SLCO4C1: variants seen among roughly 807,000 people sequenced by gnomAD.
The protein encoded by SLCO4C1 is organic anion transporter M1.
A neutral mutation model predicts 72.1 loss-of-function variants in SLCO4C1; 58 were observed. That is an observed-to-expected ratio of 0.80 (90% CI 0.65 to 1.00). The LOEUF (loss-of-function observed/expected upper bound fraction) is 1.00. Ranked by LOEUF, SLCO4C1 falls within the 50% of genes least tolerant of loss-of-function variation. The pLI, the probability that SLCO4C1 is intolerant of heterozygous loss-of-function variation, is 0.00. For synonymous variants in SLCO4C1, 297 were observed against 312.5 expected, an observed-to-expected ratio of 0.95 and a Z score of 0.52; for missense variants, 898 against 857.9, an observed-to-expected ratio of 1.05 and a Z score of -0.58.
chr5:102,285,127 C>G (rs189555923), intron 2 of SLCO4C1, among the ~76,000 whole-genome samples: 8 of 151,582 alleles, frequency 5.3e-5, no homozygotes, highest in Admixed American at 5.3e-4. Context: ...TGATTGAGTC[C>G]TACTCCAAAC....
At chr5:102,271,666 T>C (rs2112377120) in intron 2 of SLCO4C1, among the ~76,000 whole-genome samples, 1 of 152,184 alleles carries the variant, frequency 6.6e-6, no homozygotes, top group South Asian at 2.1e-4. Context: ...TTAAGCATTT[T>C]TCCATACATT....
In SLCO4C1 at chr5:102,270,703, T is replaced by G. The variant is rs753937055; in HGVS notation, c.723A>C (p.Ala241=). 6.2e-7 allele frequency: 1 copy of G among 1,613,210 alleles called. No homozygotes were observed. The highest frequency in any genetic ancestry group is 8.5e-7 in the Non-Finnish European group (1 of 1,179,570). The change falls in exon 3 of 13, where the codon GCA becomes GCC. Residue 241 remains alanine, a synonymous_variant. Transcript: ENST00000310954. ...VFILGQLLLG[A]GGTPLYTLGT... is the part of the protein sequence containing the mutation. Reference sequence around the variant, plus strand: ...CCAGAGTATAAAGAGGAGTTCCTCCTGCCCCCAGCAATAGTTGTCCCAAGA... The same window carrying G: ...CCAGAGTATAAAGAGGAGTTCCTCCGGCCCCCAGCAATAGTTGTCCCAAGA...
intron 10 of SLCO4C1, among the ~76,000 whole-genome samples, chr5:102,243,172 GCTTAGC>G (rs1307757916): frequency 6.6e-6 from 1 of 152,152 alleles, no homozygotes; most frequent in Non-Finnish European, 1.5e-5. Context: ...TTCCATGCCA[GCTTAGC>G]CGCAATACAA....
chr5:102,264,143 G>T (rs753766380), intron 3 of SLCO4C1, among the ~76,000 whole-genome samples: 6 of 152,040 alleles, frequency 3.9e-5, no homozygotes, highest in Non-Finnish European at 8.8e-5. Flanking sequence ...TGTGAAACAA[G>T]AAGTCTTTTC....
intron 2 of SLCO4C1, among the ~76,000 whole-genome samples, chr5:102,285,279 AT>A (rs976206860): frequency 1.3e-5 from 2 of 151,268 alleles, no homozygotes; most frequent in Admixed American, 6.6e-5. Flanking sequence ...ACACATATAT[AT>A]TTTTTTTTGT....
At chr5:102,245,016 G>A (rs1748611659) in intron 10 of SLCO4C1, among the ~76,000 whole-genome samples, 1 of 152,138 alleles carries the variant, frequency 6.6e-6, no homozygotes, top group Non-Finnish European at 1.5e-5. Context: ...ACTGTGGTGT[G>A]TAAACTACCC....
intron 2 of SLCO4C1, among the ~76,000 whole-genome samples, chr5:102,280,299 A>G (rs1244603222): frequency 6.6e-6 from 1 of 151,974 alleles, no homozygotes; most frequent in East Asian, 1.9e-4. Context: ...GTATTTCCAT[A>G]TACTGGCAAT....
chr5:102,277,701 C>T (rs1204200469), intron 2 of SLCO4C1, among the ~76,000 whole-genome samples: 2 of 151,896 alleles, frequency 1.3e-5, no homozygotes, highest in Non-Finnish European at 2.9e-5. Flanking sequence ...GCAAATAAGG[C>T]CTCACCCACC....
At position 102,234,590 on chromosome 5, in the gene SLCO4C1, CA is replaced by C. The variant is rs1748400390; in HGVS notation, c.*2267del. The C allele has an allele frequency of 1.3e-5, 2 of 152,182 alleles. No individual in the cohort carries two copies. Among genetic ancestry groups the C allele is most frequent in the Admixed American group, 1.3e-4 (2 of 15,272 alleles). The allele number at this position is 152,182 out of a possible 1,614,324, so 9.4% of individuals were successfully genotyped here. A position where few individuals can be genotyped will look rare whatever the true frequency, so the allele number is the denominator to read the frequency against. The stretch of plus-strand genomic sequence containing the variant: ...GCCAATGATTTAGTGACCTGTTTAT[CA>C]AACTATTTCTATGGATGGGTTGATT... On this transcript the variant is annotated 3_prime_UTR_variant, in exon 13 of 13. Coordinates refer to ENST00000310954, the MANE Select transcript of SLCO4C1 (RefSeq NM_180991.5).
chr5:102,271,280 A>G (rs952799971), intron 2 of SLCO4C1, among the ~76,000 whole-genome samples: 5 of 151,796 alleles, frequency 3.3e-5, no homozygotes, highest in Admixed American at 3.3e-4. Context: ...AATGTCCTGT[A>G]ATTTTATTGC....
chr5:102,242,123 C>G (rs542999490), intron 10 of SLCO4C1, among the ~76,000 whole-genome samples: 2 of 152,158 alleles, frequency 1.3e-5, no homozygotes, highest in African/African-American at 4.8e-5. Context: ...TTACCTGACA[C>G]CTGCCCACAG....
intron 11 of SLCO4C1, 107 bp downstream of exon 11, chr5:102,240,611 G>A (rs1343721460): frequency 1.3e-6 from 1 of 799,970 alleles, no homozygotes; most frequent in African/African-American, 1.8e-5. Context: ...GAATGATGTA[G>A]CCTTCCACTA....
At chr5:102,265,948 T>C (rs1167892159) in intron 3 of SLCO4C1, among the ~76,000 whole-genome samples, 1 of 152,148 alleles carries the variant, frequency 6.6e-6, no homozygotes, top group Non-Finnish European at 1.5e-5. Context: ...TCCATGAGCA[T>C]GGGATGCCTT....
At chr5:102,293,526 G>A (rs1449922230) in intron 1 of SLCO4C1, among the ~76,000 whole-genome samples, 1 of 152,086 alleles carries the variant, frequency 6.6e-6, no homozygotes, top group African/African-American at 2.4e-5. Flanking sequence ...AGAAAATTAA[G>A]TACTTAGAGA....
chr5:102,277,771 C>T (rs553222605), intron 2 of SLCO4C1, among the ~76,000 whole-genome samples: 49 of 124,238 alleles, frequency 3.9e-4, no homozygotes, highest in Middle Eastern at 5.7e-3. Flanking sequence ...TAAATAAGAA[C>T]CAGAGTCTAA....
chr5:102,263,235 AT>A (rs1373815596), intron 4 of SLCO4C1, among the ~76,000 whole-genome samples: 2 of 152,110 alleles, frequency 1.3e-5, no homozygotes, highest in African/African-American at 4.8e-5. Context: ...ACTATCTTTC[AT>A]TGTCATCATT....
At chr5:102,276,355 A>G (rs1749246257) in intron 2 of SLCO4C1, among the ~76,000 whole-genome samples, 1 of 152,202 alleles carries the variant, frequency 6.6e-6, no homozygotes, top group Admixed American at 6.5e-5. Flanking sequence ...TTATTCTCCC[A>G]CCTGAAAGCA....
At chr5:102,242,259 A>G (rs1373886762) in intron 10 of SLCO4C1, among the ~76,000 whole-genome samples, 3 of 152,240 alleles carry the variant, frequency 2.0e-5, no homozygotes, top group Admixed American at 6.5e-5. Context: ...CTTGAAAGGC[A>G]GTCTAGGCCA....
chr5:102,295,913 G>C lies in SLCO4C1; in HGVS notation c.350C>G (p.Thr117Arg). 2 of 1,611,868 alleles carry C rather than the reference G, an allele frequency of 1.2e-6. No homozygotes were observed. Among genetic ancestry groups the C allele is most frequent in the Non-Finnish European group, 1.7e-6 (2 of 1,178,194 alleles). The change falls in exon 1 of 13, where the codon ACG becomes AGG. Residue 117 changes from threonine to arginine, a missense_variant. By Grantham distance (71) the Thr-to-Arg change is moderately conservative. Coordinates refer to ENST00000310954, the MANE Select transcript of SLCO4C1 (RefSeq NM_180991.5). ...AAGCGGGCGCTGGACTTTACCTTGCGTGACGGCCAAGAGGCAGTAGTGAAG... is the reference window on the plus strand; with the variant it reads ...AAGCGGGCGCTGGACTTTACCTTGCCTGACGGCCAAGAGGCAGTAGTGAAG... Reference protein sequence around the residue: ...FLLHYCLLAVTQGIVVNGLVN... With the variant: ...FLLHYCLLAVRQGIVVNGLVN...
Sources: allele counts gnomAD v4.1 joint callset (sites outside exome capture counted in the v4.1 genomes callset), GRCh38; gene constraint gnomAD v4.1.1; transcripts MANE v1.5; gene names NCBI Gene and HGNC (gene_info 2026-07-23, HGNC 2026-07-21).